Variants in ARHGEF7 observed in about 807,000 individuals in gnomAD.
The protein encoded by ARHGEF7 is Rho guanine nucleotide exchange factor 7.
ARHGEF7 carries 33 observed loss-of-function variants against 109.8 expected under a neutral mutation model. That is an observed-to-expected ratio of 0.30 (90% CI 0.23 to 0.40). ARHGEF7 has a LOEUF of 0.40. Among genes scored for constraint, ARHGEF7 ranks in the 10% least tolerant of loss-of-function variants. The pLI is 1.00. For synonymous variants in ARHGEF7, 458 were observed against 424.6 expected (o/e 1.08, Z -0.97); for missense variants, 938 against 1,098.5 (o/e 0.85, Z 2.07).
At chr13:111,185,912 G>A (rs377088433) in intron 2 of ARHGEF7, among the ~76,000 whole-genome samples, 11 of 151,322 alleles carry the variant, frequency 7.3e-5, no homozygotes, top group African/African-American at 1.9e-4. Context: ...GGTGGGCTCC[G>A]ATCTTGGTTC....
At chr13:111,206,174 C>T (rs1225926475) in intron 3 of ARHGEF7, among the ~76,000 whole-genome samples, 3 of 151,694 alleles carry the variant, frequency 2.0e-5, no homozygotes, top group African/African-American at 7.3e-5. Flanking sequence ...CCTTTTCAAA[C>T]AGAAACCTCC....
chr13:111,134,194 G>A (rs1310557754), intron 1 of ARHGEF7, among the ~76,000 whole-genome samples: 1 of 152,090 alleles, frequency 6.6e-6, no homozygotes. Flanking sequence ...GTCTATCATT[G>A]TTGGATATTT....
At chr13:111,257,139 A>AT (rs1476125910) in intron 8 of ARHGEF7, among the ~76,000 whole-genome samples, 19 of 152,176 alleles carry the variant, frequency 1.2e-4, no homozygotes, top group Admixed American at 9.8e-4. Context: ...TGAAAGTGGG[A>AT]TTTTCCCCCC....
chr13:111,159,118 A>G, intron 2 of ARHGEF7: 1 of 717,260 alleles, frequency 1.4e-6, no homozygotes, highest in African/African-American at 1.7e-5. Context: ...CACTTTACAT[A>G]TAGGTGAGAT....
At position 111,239,713 on chromosome 13, in the gene ARHGEF7, C is replaced by T. The variant is rs563322425; in HGVS notation, c.760-4159C>T. On this transcript the variant is annotated intron_variant, in intron 6 of 21. Transcript: ENST00000646102. This position sits in a 1 kb window ranked among gnomAD's most constrained non-coding sequence, Gnocchi z 4.3. The stretch of plus-strand genomic sequence containing the variant: ...TTGTGGGATCCCCTCTTTTCCTGGG[C>T]GGCGAGGTGCCTGCTGGCTTCTTTC... 5.9e-5 allele frequency among the ~76,000 whole-genome samples: 9 copies of T among 151,898 alleles called. No individual in the cohort carries two copies. Among genetic ancestry groups the T allele is most frequent in the Non-Finnish European group, 8.8e-5 (6 of 67,974 alleles).
rs144510529 is a variant in ARHGEF7 at position 111,202,645 on chromosome 13, T to A, written c.253-2644T>A. ...AACCCTAGGGAACAATTTAGTGTGC[T>A]AAATGTCATGGTAATTCTTACATAC... On this transcript the variant is annotated intron_variant, in intron 2 of 21. Transcript: ENST00000646102. Among the ~76,000 whole-genome samples, 578 of 152,376 alleles carry A rather than the reference T, an allele frequency of 3.8e-3. 1 individual carries two copies. The highest frequency in any genetic ancestry group is 0.013 in the African/African-American group (549 of 41,590).
Position 111,259,415 on chromosome 13 carries a change from C to G in ARHGEF7, c.951-8133C>G, listed in dbSNP as rs548971951. On this transcript the variant is annotated intron_variant, in intron 8 of 21. Coordinates refer to ENST00000646102, the MANE Select transcript of ARHGEF7 (RefSeq NM_001354046.2). ...CACCCCTCTCTCTGTCTTTCTCTCT[C>G]TCTGTTTGGGAGAGAGTAAGGGAAG... Among the ~76,000 whole-genome samples, 7 of 152,326 alleles carry G rather than the reference C, an allele frequency of 4.6e-5. No individual in the cohort carries two copies. The East Asian group carries it at 7.7e-4, about 17-fold the overall frequency.
intron 1 of ARHGEF7, among the ~76,000 whole-genome samples, chr13:111,151,204 T>C (rs9522143): frequency 0.15 from 22,355 of 152,294 alleles, 1,660 homozygotes; most frequent in Middle Eastern, 0.17. Flanking sequence ...AGCAGTCTCA[T>C]CAGCATTGAA....
intron 2 of ARHGEF7, among the ~76,000 whole-genome samples, chr13:111,161,115 T>C (rs9588368): frequency 0.074 from 11,278 of 152,234 alleles, 672 homozygotes; most frequent in African/African-American, 0.16. Context: ...AAAATATCCC[T>C]AAATCTGAAA....
intron 1 of ARHGEF7, among the ~76,000 whole-genome samples, chr13:111,127,483 C>G (rs1256780632): frequency 2.6e-5 from 4 of 151,680 alleles, no homozygotes; most frequent in East Asian, 3.9e-4. Flanking sequence ...GACCCTCCCC[C>G]CATCACTACA....
At position 111,274,768 on chromosome 13, in the gene ARHGEF7, T is replaced by C. The variant is rs1487766136; in HGVS notation, c.1250T>C (p.Met417Thr). ...GATAGACAAGATATTCAAAAATCCA[T>C]GGCTGCCTTCAAAAACCTTTCAGTA... Reference protein sequence around the residue: ...HTDRQDIQKSMAAFKNLSAQC... With the variant: ...HTDRQDIQKSTAAFKNLSAQC... Residue 417 changes from methionine to threonine, a missense_variant, in exon 11 of 22, where the codon ATG becomes ACG. Met to Thr is a moderately conservative substitution (Grantham distance 81). This residue lies in a region of ARHGEF7 where 585 missense variants were observed against 723.6 expected (regional missense o/e 0.81). Transcript: ENST00000646102. 4.0e-6 allele frequency: 6 copies of C among 1,502,146 alleles called. No homozygotes were observed. The highest frequency in any genetic ancestry group is 5.3e-6 in the Non-Finnish European group (6 of 1,125,292). 93.1% of individuals were successfully genotyped at this position (1,502,146 alleles called of 1,614,324 possible).
intron 9 of ARHGEF7, among the ~76,000 whole-genome samples, chr13:111,267,961 A>G (rs1201753415): frequency 6.6e-6 from 1 of 152,224 alleles, no homozygotes; most frequent in Non-Finnish European, 1.5e-5. Flanking sequence ...AGCTTAGTCA[A>G]GGGTCCTGGA....
rs576355286 is a variant in ARHGEF7 at position 111,218,416 on chromosome 13, G to A, written c.670+536G>A. On this transcript the variant is annotated intron_variant, in intron 5 of 21. Transcript: ENST00000646102. Reference sequence around the variant, plus strand: ...TTCTTATGAAAGAATAGTGATCCTCGGCACATGGCTATGGCTGCCGGGCTG... The same window carrying A: ...TTCTTATGAAAGAATAGTGATCCTCAGCACATGGCTATGGCTGCCGGGCTG... Among the ~76,000 whole-genome samples, 5 of 152,218 alleles carry A rather than the reference G, an allele frequency of 3.3e-5. No homozygotes were observed. The East Asian group carries it at 7.7e-4, about 24-fold the overall frequency.
At chr13:111,153,669 T>C in intron 1 of ARHGEF7, 1 of 1,235,682 alleles carries the variant, frequency 8.1e-7, no homozygotes, top group African/African-American at 1.6e-5. Flanking sequence ...GGGGCTCACT[T>C]CCTGGTGCGG....
chr13:111,295,630 T>C (rs2093411132), intron 19 of ARHGEF7, among the ~76,000 whole-genome samples: 1 of 152,224 alleles, frequency 6.6e-6, no homozygotes, highest in South Asian at 2.1e-4. Context: ...TGGTGGCAGG[T>C]ATAGTGATAG....
intron 2 of ARHGEF7, among the ~76,000 whole-genome samples, chr13:111,194,014 A>G (rs1034202397): frequency 6.6e-6 from 1 of 152,178 alleles, no homozygotes; most frequent in Non-Finnish European, 1.5e-5. Context: ...TATGCCATTT[A>G]CATCATGAGT....
chr13:111,267,999 G>A (rs1046101099), intron 9 of ARHGEF7, among the ~76,000 whole-genome samples: 1 of 152,198 alleles, frequency 6.6e-6, no homozygotes, highest in South Asian at 2.1e-4. Flanking sequence ...AAAACTGGAA[G>A]TACATGAGTC....
chr13:111,153,675 T>G, intron 1 of ARHGEF7: 1 of 1,239,740 alleles, frequency 8.1e-7, no homozygotes, highest in Non-Finnish European at 1.0e-6. Context: ...CACTTCCTGG[T>G]GCGGGAAGGG....
chr13:111,233,780 C>T (rs768631689), intron 6 of ARHGEF7, among the ~76,000 whole-genome samples: 48 of 152,092 alleles, frequency 3.2e-4, no homozygotes, highest in Non-Finnish European at 1.3e-4. Context: ...AAACGCTATA[C>T]GTGTTAAAGA....
Sources: gnomAD v4.1 joint callset for allele counts (sites outside exome capture counted in the v4.1 genomes callset) on GRCh38, gnomAD v4.1.1 for gene constraint, gnomAD v4.1.1 regional missense constraint, Gnocchi (gnomAD v3.1) non-coding constraint, MANE v1.5 for transcripts, NCBI Gene and HGNC (gene_info 2026-07-23, HGNC 2026-07-21) for gene names.